TBC1D15: variants seen among roughly 807,000 people sequenced by gnomAD.
TBC1D15 encodes the protein TBC1 domain family member 15.
Under a neutral mutation model 95.4 loss-of-function variants are expected in TBC1D15, and 39 were observed. The ratio of observed to expected loss-of-function variants is 0.41; its 90% CI spans 0.32 to 0.53. The LOEUF (loss-of-function observed/expected upper bound fraction) is 0.53. TBC1D15 is among the 20% of genes least tolerant of loss of function. The probability of loss-of-function intolerance (pLI) is 0.29; values close to 1 mark genes in which losing one functional copy is unlikely to be tolerated. For missense variants in TBC1D15, 733 were observed against 794.3 expected, an observed-to-expected ratio of 0.92 and a Z score of 0.93; for synonymous variants, 258 against 261.3, an observed-to-expected ratio of 0.99 and a Z score of 0.12.
chr12:71,913,235 T>C (rs536089832), intron 11 of TBC1D15: 39 of 152,264 alleles, frequency 2.6e-4, no homozygotes, highest in African/African-American at 9.2e-4. Context: ...GACGTAGATA[T>C]GACTATTTAA....
At chr12:71,892,827 A>T (rs1897423480) in intron 5 of TBC1D15, among the ~76,000 whole-genome samples, 1 of 151,678 alleles carries the variant, frequency 6.6e-6, no homozygotes, top group South Asian at 2.1e-4. Flanking sequence ...TTATATACTG[A>T]TGACTCCTAA....
chr12:71,905,349 G>A (rs1048185572), intron 10 of TBC1D15, among the ~76,000 whole-genome samples: 1 of 151,790 alleles, frequency 6.6e-6, no homozygotes, highest in Non-Finnish European at 1.5e-5. Context: ...TTTTTGAGTC[G>A]GGGTCTCACT....
At chr12:71,912,522 G>A (rs564633106) in intron 11 of TBC1D15, among the ~76,000 whole-genome samples, 5 of 152,212 alleles carry the variant, frequency 3.3e-5, no homozygotes, top group East Asian at 3.9e-4. Context: ...GGTGATCTGA[G>A]TGCTTCTGTC....
At chr12:71,849,686 A>G in intron 1 of TBC1D15, 2 of 554,724 alleles carry the variant, frequency 3.6e-6, no homozygotes, top group Non-Finnish European at 6.9e-6. Flanking sequence ...TCTCCTCTGC[A>G]TGGTCAGTCC....
intron 4 of TBC1D15, among the ~76,000 whole-genome samples, chr12:71,881,466 C>T (rs562128745): frequency 2.4e-4 from 36 of 152,278 alleles, no homozygotes; most frequent in Non-Finnish European, 4.4e-4. Flanking sequence ...AAATCAGACT[C>T]TGGAGATATA....
intron 1 of TBC1D15, among the ~76,000 whole-genome samples, chr12:71,865,722 A>C (rs898967925): frequency 4.6e-5 from 7 of 152,068 alleles, no homozygotes; most frequent in African/African-American, 1.7e-4. Context: ...AGTGTGGGCT[A>C]TCTAGCTCAG....
At chr12:71,903,605 C>T (rs1187614329) in intron 10 of TBC1D15, among the ~76,000 whole-genome samples, 1 of 152,174 alleles carries the variant, frequency 6.6e-6, no homozygotes, top group African/African-American at 2.4e-5. Context: ...ACAGAGAAGA[C>T]ATGAAATCAG....
At position 71,843,311 on chromosome 12, in the gene TBC1D15, GT is replaced by G. The variant is rs752605796; in HGVS notation, c.30+3509del. 9.3e-5 allele frequency among the ~76,000 whole-genome samples: 14 copies of G among 150,680 alleles called. No individual in the cohort carries two copies. In the South Asian group the frequency reaches 1.1e-3, roughly 11 times the overall value. ...ACTTGAAACAATAGGGAAATCAGCT[GT>G]TTTTTTTTCTTAATTAGAATTTGTG... is the stretch of plus-strand genomic sequence containing the variant. On this transcript the variant is annotated intron_variant, in intron 1 of 16. Coordinates refer to ENST00000485960, the MANE Select transcript of TBC1D15 (RefSeq NM_001146213.3).
rs991679652 is a variant in TBC1D15 at position 71,914,742 on chromosome 12, T to G, written c.1401+816T>G. Among the ~76,000 whole-genome samples, 3 of 152,052 alleles carry G rather than the reference T, an allele frequency of 2.0e-5. No individual in the cohort carries two copies. In the South Asian group the frequency reaches 6.2e-4, roughly 31 times the overall value. Reference sequence around the variant, plus strand: ...GCTTGCTTGCAAGGGATAAACATTTTGAATCTAACCATCTGAAATATTTTC... The same window carrying G: ...GCTTGCTTGCAAGGGATAAACATTTGGAATCTAACCATCTGAAATATTTTC... On this transcript the variant is annotated intron_variant, in intron 12 of 16. Coordinates refer to ENST00000485960, the MANE Select transcript of TBC1D15 (RefSeq NM_001146213.3).
intron 11 of TBC1D15, among the ~76,000 whole-genome samples, chr12:71,910,752 CA>C (rs555114872): frequency 2.3e-3 from 343 of 152,190 alleles, no homozygotes; most frequent in Admixed American, 5.7e-3. Context: ...GCAATGGCAA[CA>C]AAAGCCAAAA....
intron 9 of TBC1D15, chr12:71,897,217 C>T (rs1898367652): frequency 6.5e-6 from 1 of 153,600 alleles, no homozygotes; most frequent in Admixed American, 6.5e-5. Flanking sequence ...ATCCTTCATT[C>T]TTTTTGGAAG....
At chr12:71,913,416 A>AT (rs1045908422) in intron 11 of TBC1D15, 1 of 154,170 alleles carries the variant, frequency 6.5e-6, no homozygotes, top group Non-Finnish European at 1.4e-5. Flanking sequence ...TTCTCGCTTG[A>AT]TTTTTTTCTT....
At chr12:71,912,410 CAG>C (rs1684070596) in intron 11 of TBC1D15, among the ~76,000 whole-genome samples, 2 of 151,934 alleles carry the variant, frequency 1.3e-5, no homozygotes, top group African/African-American at 2.4e-5. Flanking sequence ...GCAGTGTAGA[CAG>C]AGTGAGGTTA....
chr12:71,877,192 A>G (rs1040278358), intron 3 of TBC1D15, among the ~76,000 whole-genome samples: 13 of 141,830 alleles, frequency 9.2e-5, no homozygotes, highest in East Asian at 4.0e-4. Flanking sequence ...ATCCCATGTT[A>G]TGTGTGTGTG....
At chr12:71,914,598 G>A (rs1903232172) in intron 12 of TBC1D15, among the ~76,000 whole-genome samples, 1 of 151,948 alleles carries the variant, frequency 6.6e-6, no homozygotes, top group Non-Finnish European at 1.5e-5. Context: ...CAGAAGGGGT[G>A]AGACTAGATA....
rs1884475001 is a variant in TBC1D15 at position 71,839,910 on chromosome 12, G to C, written c.30+99G>C. ...GGGGGAGGGACACGAGGGACTTTCT[G>C]TGTCCGGACAACCCGTGGCGTCTGT... On this transcript the variant is annotated intron_variant, in intron 1 of 16. Coordinates refer to ENST00000485960, the MANE Select transcript of TBC1D15 (RefSeq NM_001146213.3). 10 of 1,471,230 alleles carry C rather than the reference G, an allele frequency of 6.8e-6. No individual in the cohort carries two copies. The Admixed American group carries it at 1.8e-4, about 26-fold the overall frequency. The allele number at this position is 1,471,230 out of a possible 1,614,324, so 91.1% of individuals were successfully genotyped here.
intron 3 of TBC1D15, among the ~76,000 whole-genome samples, chr12:71,875,098 C>T (rs1344891024): frequency 6.6e-6 from 1 of 151,878 alleles, no homozygotes; most frequent in African/African-American, 2.4e-5. Flanking sequence ...GCCACCATGC[C>T]CGGCTAATTT....
intron 1 of TBC1D15, among the ~76,000 whole-genome samples, chr12:71,844,151 G>A (rs1023650130): frequency 3.3e-5 from 5 of 152,042 alleles, no homozygotes; most frequent in African/African-American, 1.2e-4. Context: ...CACTACCATT[G>A]CCTTAGTTCA....
intron 14 of TBC1D15, 83 bp from the exon 15 acceptor site, chr12:71,920,648 C>T (rs1229877765): frequency 1.5e-5 from 16 of 1,042,092 alleles, no homozygotes; most frequent in Middle Eastern, 2.0e-4. Context: ...GCATAGAAGT[C>T]ATTCAGTGTT....
Sources: allele counts gnomAD v4.1 joint callset (sites outside exome capture counted in the v4.1 genomes callset), GRCh38; gene constraint gnomAD v4.1.1; transcripts MANE v1.5; gene names NCBI Gene and HGNC (gene_info 2026-07-23, HGNC 2026-07-21).